TSPAN9: variants seen among roughly 807,000 people sequenced by gnomAD.
TSPAN9 encodes tetraspanin 9.
Under a neutral mutation model 31.0 loss-of-function variants are expected in TSPAN9, and 16 were observed. The observed-to-expected ratio is 0.52, with a 90% CI of 0.35 to 0.78. TSPAN9 has a LOEUF of 0.78. Among genes scored for constraint, TSPAN9 ranks in the 30% least tolerant of loss-of-function variants. The probability of loss-of-function intolerance (pLI) is 0.01; values close to 1 mark genes in which losing one functional copy is unlikely to be tolerated. For synonymous variants in TSPAN9, 145 were observed against 121.6 expected, an observed-to-expected ratio of 1.19 and a Z score of -1.27; for missense variants, 272 against 312.5, an observed-to-expected ratio of 0.87 and a Z score of 0.98.
At chr12:3,096,048 G>A (rs953374292) in intron 2 of TSPAN9, among the ~76,000 whole-genome samples, 1 of 151,642 alleles carries the variant, frequency 6.6e-6, no homozygotes, top group African/African-American at 2.4e-5. Context: ...CCTCCCGGGC[G>A]GCGCTCCCGG....
intron 2 of TSPAN9, among the ~76,000 whole-genome samples, chr12:3,085,840 A>T (rs2098300187): frequency 6.6e-6 from 1 of 152,066 alleles, no homozygotes; most frequent in African/African-American, 2.4e-5. Flanking sequence ...CTGGAGGTGG[A>T]TGGAGGAGGA....
intron 3 of TSPAN9, among the ~76,000 whole-genome samples, chr12:3,274,519 G>A (rs950836362): frequency 1.3e-5 from 2 of 152,154 alleles, no homozygotes; most frequent in Non-Finnish European, 2.9e-5. Flanking sequence ...GACCTGTGGC[G>A]AAGGCCCAGT....
At chr12:3,201,562 C>A (rs2098371842) in intron 3 of TSPAN9, among the ~76,000 whole-genome samples, 1 of 152,162 alleles carries the variant, frequency 6.6e-6, no homozygotes, top group Admixed American at 6.5e-5. Context: ...GCTGGAAGTG[C>A]CTCCGACTGG....
At chr12:3,077,544 C>T (rs928943601) in intron 1 of TSPAN9, 91 bp downstream of exon 1, 2 of 152,040 alleles carry the variant, frequency 1.3e-5, no homozygotes, top group East Asian at 2.0e-4. Context: ...GGGCTGGGCA[C>T]CCCCAGGCCG....
chr12:3,229,567 G>A (rs2098389601), intron 3 of TSPAN9, among the ~76,000 whole-genome samples: 1 of 152,214 alleles, frequency 6.6e-6, no homozygotes, highest in Non-Finnish European at 1.5e-5. Context: ...GGGCTTACTG[G>A]CAAGTAGCTT....
Position 3,143,702 on chromosome 12 carries a change from C to T in TSPAN9, c.-17-57475C>T, listed in dbSNP as rs574681266. Among the ~76,000 whole-genome samples, 1 of 152,334 alleles carries T rather than the reference C, an allele frequency of 6.6e-6. No homozygotes were observed. The highest frequency in any genetic ancestry group is 2.1e-4 in the South Asian group (1 of 4,832). ...ATTTATTTTGTTGTTCAACTTGCTGCAGCCTTGGCCATGGGAAGCTCTAGG... is the reference window on the plus strand; with the variant it reads ...ATTTATTTTGTTGTTCAACTTGCTGTAGCCTTGGCCATGGGAAGCTCTAGG... On this transcript the variant is annotated intron_variant, in intron 2 of 8. Coordinates refer to ENST00000011898, the MANE Select transcript of TSPAN9 (RefSeq NM_006675.5). This position sits in a 1 kb window ranked among gnomAD's most constrained non-coding sequence, Gnocchi z 4.2.
rs1007250133 is a variant in TSPAN9 at position 3,273,938 on chromosome 12, C to T, written c.64-4483C>T. On this transcript the variant is annotated intron_variant, in intron 3 of 8. Transcript: ENST00000011898. ...TTTGGGCATATCGCTGTCATTGGCT[C>T]TCCCTTCCCCACCGCTGGAGGGAAC... is the stretch of plus-strand genomic sequence containing the variant. Among the ~76,000 whole-genome samples, 5 of 152,222 alleles carry T rather than the reference C, an allele frequency of 3.3e-5. No homozygotes were observed. In the South Asian group the frequency reaches 6.2e-4, roughly 19 times the overall value.
At chr12:3,236,318 T>C (rs2098393706) in intron 3 of TSPAN9, among the ~76,000 whole-genome samples, 1 of 152,200 alleles carries the variant, frequency 6.6e-6, no homozygotes, top group African/African-American at 2.4e-5. Context: ...TCTAGTACTT[T>C]CTGGGAGTGA....
intron 1 of TSPAN9, among the ~76,000 whole-genome samples, chr12:3,083,264 A>G (rs1373205535): frequency 2.0e-5 from 3 of 152,230 alleles, no homozygotes; most frequent in Non-Finnish European, 2.9e-5. Flanking sequence ...ACACTTTTAC[A>G]TATCTTGAAA....
At chr12:3,271,503 G>A (rs1395204239) in intron 3 of TSPAN9, among the ~76,000 whole-genome samples, 1 of 150,656 alleles carries the variant, frequency 6.6e-6, no homozygotes, top group Non-Finnish European at 1.5e-5. Flanking sequence ...GTAGATTCTT[G>A]CATTAATAAG....
At chr12:3,114,769 G>C (rs945467685) in intron 2 of TSPAN9, among the ~76,000 whole-genome samples, 14 of 151,444 alleles carry the variant, frequency 9.2e-5, no homozygotes, top group Non-Finnish European at 1.5e-4. Flanking sequence ...CTTGAACCCA[G>C]GAGGTGGAGG....
At chr12:3,230,802 C>T (rs992164457) in intron 3 of TSPAN9, among the ~76,000 whole-genome samples, 1 of 152,146 alleles carries the variant, frequency 6.6e-6, no homozygotes, top group African/African-American at 2.4e-5. Context: ...TCCTCAGTTC[C>T]CCCGAGGAGA....
Position 3,161,110 on chromosome 12 carries a change from C to T in TSPAN9, c.-17-40067C>T, listed in dbSNP as rs941433879. On this transcript the variant is annotated intron_variant, in intron 2 of 8. Coordinates refer to ENST00000011898, the MANE Select transcript of TSPAN9 (RefSeq NM_006675.5). ...TGGTGCATACCTGTAATCCCAGCTA[C>T]TCATGAAGGCTGAGGCAGGAGAATC... 3.3e-5 allele frequency among the ~76,000 whole-genome samples: 5 copies of T among 152,184 alleles called. No individual in the cohort carries two copies. The East Asian group carries it at 7.7e-4, about 24-fold the overall frequency.
chr12:3,080,296 A>T (rs934712038), intron 1 of TSPAN9, among the ~76,000 whole-genome samples: 1 of 152,144 alleles, frequency 6.6e-6, no homozygotes, highest in Non-Finnish European at 1.5e-5. Flanking sequence ...AAAAAATTCT[A>T]AAATTGTGGT....
intron 2 of TSPAN9, among the ~76,000 whole-genome samples, chr12:3,176,851 C>T (rs1345084665): frequency 2.0e-5 from 3 of 152,188 alleles, no homozygotes; most frequent in Non-Finnish European, 2.9e-5. Flanking sequence ...CACCAGAGCC[C>T]GTCTTTAAAT....
intron 3 of TSPAN9, among the ~76,000 whole-genome samples, chr12:3,202,984 T>G (rs1188778473): frequency 6.6e-6 from 1 of 152,218 alleles, no homozygotes; most frequent in South Asian, 2.1e-4. Flanking sequence ...TGCCTTTGGA[T>G]TCACACGAAT....
At chr12:3,223,659 C>T (rs996531600) in intron 3 of TSPAN9, among the ~76,000 whole-genome samples, 30 of 152,356 alleles carry the variant, frequency 2.0e-4, no homozygotes, top group African/African-American at 7.0e-4. Context: ...CCAGCAGTCC[C>T]TGCATTTCCT....
chr12:3,140,935 G>A (rs1234856625), intron 2 of TSPAN9, among the ~76,000 whole-genome samples: 1 of 151,684 alleles, frequency 6.6e-6, no homozygotes, highest in South Asian at 2.1e-4. Context: ...AGGACCAAGG[G>A]TGTTTTGGGT....
Position 3,281,332 on chromosome 12 carries a change from G to C in TSPAN9, c.564+3G>C, listed in dbSNP as rs769478051. The C allele has an allele frequency of 3.2e-6, 5 of 1,549,088 alleles. No homozygotes were observed. In the South Asian group the frequency reaches 6.0e-5, roughly 18 times the overall value. On this transcript the variant is annotated splice_donor_region_variant and intron_variant, in intron 7 of 8. Transcript: ENST00000011898. The stretch of plus-strand genomic sequence containing the variant: ...CCACCACGCCTTTGTGGAGAACGGT[G>C]AGGCTGGGGATGGACCGCTTGGGTC...
Sources: allele counts gnomAD v4.1 joint callset (sites outside exome capture counted in the v4.1 genomes callset), GRCh38; gene constraint gnomAD v4.1.1; non-coding constraint Gnocchi (gnomAD v3.1); transcripts MANE v1.5; gene names NCBI Gene and HGNC (gene_info 2026-07-23, HGNC 2026-07-21).